Variants in FRS2 observed in about 807,000 individuals in gnomAD.
FRS2 encodes FGFR signalling adaptor.
Under a neutral mutation model 43.9 loss-of-function variants are expected in FRS2, and 8 were observed. The ratio of observed to expected loss-of-function variants is 0.18; its 90% confidence interval spans 0.11 to 0.33. FRS2 has a LOEUF of 0.33. Among genes scored for constraint, FRS2 ranks in the 10% least tolerant of loss-of-function variants. The probability of loss-of-function intolerance (pLI) is 1.00; values close to 1 mark genes in which losing one functional copy is unlikely to be tolerated. For missense variants in FRS2, 534 were observed against 627.6 expected (o/e 0.85, Z 1.59); for synonymous variants, 219 against 220.3 (o/e 0.99, Z 0.05).
At chr12:69,568,320 A>G (rs1446191070) in intron 4 of FRS2, among the ~76,000 whole-genome samples, 8 of 152,244 alleles carry the variant, frequency 5.3e-5, no homozygotes, top group Non-Finnish European at 1.5e-5. Context: ...TTGTGGAGAC[A>G]TAAAAGATAC....
At chr12:69,496,483 T>C (rs1872909735) in intron 1 of FRS2, among the ~76,000 whole-genome samples, 1 of 151,762 alleles carries the variant, frequency 6.6e-6, no homozygotes, top group South Asian at 2.1e-4. Flanking sequence ...TCCATTGCAA[T>C]AGAAAGGAGC....
At chr12:69,485,556 C>T (rs1184809228) in intron 1 of FRS2, among the ~76,000 whole-genome samples, 2 of 152,126 alleles carry the variant, frequency 1.3e-5, no homozygotes, top group Non-Finnish European at 2.9e-5. Context: ...GATCTTGGCT[C>T]ACTGCAACCT....
intron 1 of FRS2, among the ~76,000 whole-genome samples, chr12:69,512,698 A>G (rs1874576078): frequency 6.6e-6 from 1 of 152,176 alleles, no homozygotes; most frequent in South Asian, 2.1e-4. Flanking sequence ...TGCAAAAATG[A>G]TTTTACTTTA....
chr12:69,574,737 A>T lies in FRS2; in HGVS notation c.1309A>T (p.Ile437Leu). The change falls in exon 9 of 9, where the codon ATA becomes TTA. Residue 437 changes from isoleucine (I) to leucine (L), a missense_variant. By Grantham distance (5) the Ile-to-Leu change is conservative. This residue lies in a region of FRS2 where 446 missense variants were observed against 494.2 expected (regional missense o/e 0.90). Coordinates refer to ENST00000549921, the MANE Select transcript of FRS2 (RefSeq NM_001278356.2). ...PSLEHRQLNY[I>L]QVDLEGGSDS... ...TTTAGAACACAGGCAGCTTAATTAC[A>T]TACAGGTTGACTTGGAAGGTGGCAG... 1 of 1,614,240 alleles carries T rather than the reference A, an allele frequency of 6.2e-7. No individual in the cohort carries two copies. Among genetic ancestry groups the T allele is most frequent in the Non-Finnish European group, 8.5e-7 (1 of 1,180,040 alleles).
intron 1 of FRS2, among the ~76,000 whole-genome samples, chr12:69,496,264 G>T (rs183949133): frequency 6.6e-6 from 1 of 152,054 alleles, no homozygotes; most frequent in African/African-American, 2.4e-5. Flanking sequence ...GTGAAACCCC[G>T]AATCTACTAA....
intron 1 of FRS2, among the ~76,000 whole-genome samples, chr12:69,525,900 G>C (rs1292769051): frequency 6.6e-6 from 1 of 152,188 alleles, no homozygotes; most frequent in East Asian, 1.9e-4. Context: ...TTGTTGCCCA[G>C]GCTAGAGTGC....
Position 69,470,411 on chromosome 12 carries a change from C to T in FRS2, c.-380C>T, listed in dbSNP as rs965298709. The T allele has an allele frequency of 6.8e-5, 27 of 398,570 alleles. No homozygotes were observed. The Middle Eastern group carries it at 1.9e-3, about 28-fold the overall frequency. 24.7% of individuals were successfully genotyped at this position (398,570 alleles called of 1,614,324 possible). A position where few individuals can be genotyped will look rare whatever the true frequency, so the allele number is the denominator to read the frequency against. ...TCCAAGATTCGGGCCGGAGAGAGGC[C>T]TTGTAGGCACAGCGGCTGAGACTCG... On this transcript the variant is annotated 5_prime_UTR_variant, in exon 1 of 9. Transcript: ENST00000549921.
intron 3 of FRS2, among the ~76,000 whole-genome samples, chr12:69,551,071 A>G (rs563872117): frequency 2.6e-5 from 4 of 152,288 alleles, no homozygotes; most frequent in Admixed American, 6.5e-5. Flanking sequence ...AAAGGAAGAA[A>G]GAAATATTCT....
chr12:69,569,849 C>T (rs1880597822), intron 5 of FRS2, among the ~76,000 whole-genome samples: 1 of 152,214 alleles, frequency 6.6e-6, no homozygotes, highest in African/African-American at 2.4e-5. Context: ...AGCCTTTCCT[C>T]ATATGAACTC....
chr12:69,527,877 T>A (rs967225442), intron 1 of FRS2, among the ~76,000 whole-genome samples: 2 of 152,234 alleles, frequency 1.3e-5, no homozygotes, highest in Non-Finnish European at 1.5e-5. Flanking sequence ...GAACATTAAA[T>A]TTCATCATCC....
intron 1 of FRS2, among the ~76,000 whole-genome samples, chr12:69,522,196 GTGTGTGTGTGTGTGT>G (rs1875738055): frequency 9.3e-6 from 1 of 107,002 alleles, no homozygotes; most frequent in African/African-American, 3.5e-5. Flanking sequence ...TTCTTTGTGT[GTGTGTGTGTGTGTGT>G]GTGTGTGTGT....
Position 69,511,992 on chromosome 12 carries a change from C to G in FRS2, c.-260-18873C>G, listed in dbSNP as rs187189133. 7.2e-5 allele frequency among the ~76,000 whole-genome samples: 11 copies of G among 152,296 alleles called. No homozygotes were observed. In the East Asian group the frequency reaches 1.3e-3, roughly 19 times the overall value. On this transcript the variant is annotated intron_variant, in intron 1 of 8. Coordinates refer to ENST00000549921, the MANE Select transcript of FRS2 (RefSeq NM_001278356.2). ...CAGTGTTATATTTAATCTGACAGCTCCCATTGCTTTGTAACAGAGGTTTCT... is the reference window on the plus strand; with the variant it reads ...CAGTGTTATATTTAATCTGACAGCTGCCATTGCTTTGTAACAGAGGTTTCT...
chr12:69,526,469 T>C (rs897245964), intron 1 of FRS2, among the ~76,000 whole-genome samples: 1 of 145,500 alleles, frequency 6.9e-6, no homozygotes, highest in African/African-American at 2.5e-5. Flanking sequence ...TACACAATAT[T>C]TTTTCATTAA....
chr12:69,488,004 T>G (rs1872114071), intron 1 of FRS2, among the ~76,000 whole-genome samples: 1 of 152,198 alleles, frequency 6.6e-6, no homozygotes, highest in Non-Finnish European at 1.5e-5. Flanking sequence ...CTTTAACGGA[T>G]GAGGAATTGC....
chr12:69,577,879 G>A lies in FRS2; in HGVS notation c.*2924G>A, dbSNP rs1434416404. The A allele has an allele frequency of 6.6e-6, 1 of 152,446 alleles. No individual in the cohort carries two copies. The highest frequency in any genetic ancestry group is 2.4e-5 in the African/African-American group (1 of 41,384). The allele number at this position is 152,446 out of a possible 1,614,324, so 9.4% of individuals were successfully genotyped here. The stretch of plus-strand genomic sequence containing the variant: ...GTATATCCAGAATACATCATATCTG[G>A]GACTTAGGAAAATTTGCCAAGCAAT... On this transcript the variant is annotated 3_prime_UTR_variant, in exon 9 of 9. Transcript: ENST00000549921.
intron 4 of FRS2, among the ~76,000 whole-genome samples, chr12:69,565,229 T>C (rs1255773258): frequency 6.6e-6 from 1 of 152,138 alleles, no homozygotes; most frequent in African/African-American, 2.4e-5. Flanking sequence ...GTAAGAAAAC[T>C]ATAAAAGAGA....
At chr12:69,552,137 T>C (rs1878928348) in intron 3 of FRS2, among the ~76,000 whole-genome samples, 1 of 151,710 alleles carries the variant, frequency 6.6e-6, no homozygotes, top group Non-Finnish European at 1.5e-5. Context: ...ACCCCGTCTC[T>C]ACTAAAAATA....
intron 1 of FRS2, among the ~76,000 whole-genome samples, chr12:69,496,190 A>G (rs1014274561): frequency 3.3e-5 from 5 of 152,148 alleles, no homozygotes; most frequent in Non-Finnish European, 7.3e-5. Context: ...TAATCCCAGC[A>G]CTGTGGGAGG....
intron 3 of FRS2, among the ~76,000 whole-genome samples, chr12:69,533,677 A>G (rs1052628697): frequency 2.6e-5 from 4 of 152,104 alleles, no homozygotes; most frequent in Admixed American, 1.3e-4. Context: ...ATGCCTGTTT[A>G]CTTAAAGGTT....
Sources: allele counts gnomAD v4.1 joint callset (sites outside exome capture counted in the v4.1 genomes callset), GRCh38; gene constraint gnomAD v4.1.1; regional missense constraint gnomAD v4.1.1; transcripts MANE v1.5; gene names NCBI Gene and HGNC (gene_info 2026-07-23, HGNC 2026-07-21).